SH3BP4: variants seen among roughly 807,000 people sequenced by gnomAD.
SH3BP4 encodes SH3 domain-binding protein 4.
In SH3BP4, 33 loss-of-function variants were observed where a neutral mutation model predicts 65.5. That is an observed-to-expected ratio of 0.50 (90% CI 0.38 to 0.67). SH3BP4 has a LOEUF of 0.67. SH3BP4 is among the 30% of genes least tolerant of loss of function. The pLI is 0.00. For missense variants in SH3BP4, 1,134 were observed against 1,261.4 expected (o/e 0.90, Z 1.53); for synonymous variants, 552 against 545.5 (o/e 1.01, Z -0.17).
At chr2:234,972,004 A>C (rs533591533) in intron 1 of SH3BP4, among the ~76,000 whole-genome samples, 1 of 151,188 alleles carries the variant, frequency 6.6e-6, no homozygotes. Context: ...TTTAGTAGAG[A>C]CGGGGTTTCA....
rs2106315591 is a variant in SH3BP4, at chr2:235,026,607, A to G, written c.-132-8264A>G. On this transcript the variant is annotated intron_variant, in intron 2 of 5. Transcript: ENST00000392011. The surrounding 1 kb of genome is among the most constrained non-coding windows in gnomAD (Gnocchi z 4.6). ...CAGAGCCTCGTTGCTAGAGCCTGGC[A>G]CTCCGTAGATGTTCACTAAGGTGAC... Among the ~76,000 whole-genome samples the G allele has an allele frequency of 6.6e-6, 1 of 152,090 alleles. No homozygotes were observed. Among genetic ancestry groups the G allele is most frequent in the East Asian group, 1.9e-4 (1 of 5,174 alleles).
In SH3BP4 at chr2:234,952,527, C is replaced by T. The variant is rs1273878697; in HGVS notation, c.-207+357C>T. Among the ~76,000 whole-genome samples the T allele has an allele frequency of 6.6e-6, 1 of 151,384 alleles. No homozygotes were observed. Among genetic ancestry groups the T allele is most frequent in the Non-Finnish European group, 1.5e-5 (1 of 67,766 alleles). On this transcript the variant is annotated intron_variant, in intron 1 of 5. Coordinates refer to ENST00000392011, the MANE Select transcript of SH3BP4 (RefSeq NM_014521.3). This position sits in a 1 kb window ranked among gnomAD's most constrained non-coding sequence, Gnocchi z 6.5. Reference sequence around the variant, plus strand: ...GGCGGGCGGCCCTGCGGGGTGGCCTCCCTGGGCAACCGGACGCGTCCTCGG... The same window carrying T: ...GGCGGGCGGCCCTGCGGGGTGGCCTTCCTGGGCAACCGGACGCGTCCTCGG...
chr2:235,039,172 C>T (rs565342357), intron 3 of SH3BP4, among the ~76,000 whole-genome samples: 7 of 152,238 alleles, frequency 4.6e-5, no homozygotes, highest in Middle Eastern at 3.4e-3. Context: ...CCCAGATAGA[C>T]GGGCCTGCTG....
At chr2:235,012,929 G>T (rs1357737053) in intron 2 of SH3BP4, among the ~76,000 whole-genome samples, 1 of 152,226 alleles carries the variant, frequency 6.6e-6, no homozygotes, top group African/African-American at 2.4e-5. Context: ...GAGCAGGGCT[G>T]GCCTTTCTGC....
At chr2:235,040,209 TG>T (rs1220537311) in intron 3 of SH3BP4, among the ~76,000 whole-genome samples, 1 of 152,110 alleles carries the variant, frequency 6.6e-6, no homozygotes, top group Non-Finnish European at 1.5e-5. Flanking sequence ...CATGCCAGCC[TG>T]GGTGGCGGAG....
intron 1 of SH3BP4, among the ~76,000 whole-genome samples, chr2:234,985,864 A>G (rs778326734): frequency 9.2e-5 from 14 of 151,934 alleles, no homozygotes; most frequent in South Asian, 2.1e-4. Context: ...ATACACGCCT[A>G]TGAGCTCAGG....
chr2:234,966,463 T>C (rs1413170847), intron 1 of SH3BP4, among the ~76,000 whole-genome samples: 1 of 152,238 alleles, frequency 6.6e-6, no homozygotes, highest in Admixed American at 6.5e-5. Context: ...TTATTTCACT[T>C]TCTTAATCCT....
At chr2:235,018,165 T>C (rs957963466) in intron 2 of SH3BP4, among the ~76,000 whole-genome samples, 2 of 152,046 alleles carry the variant, frequency 1.3e-5, no homozygotes, top group Non-Finnish European at 2.9e-5. Context: ...AGGAAGAAAG[T>C]TGGATGAGGT....
chr2:235,023,233 G>A (rs575654942), intron 2 of SH3BP4, among the ~76,000 whole-genome samples: 1 of 152,038 alleles, frequency 6.6e-6, no homozygotes, highest in African/African-American at 2.4e-5. Context: ...TGGAATCAAG[G>A]CCTCATATTT....
intron 1 of SH3BP4, among the ~76,000 whole-genome samples, chr2:234,993,289 C>T (rs1213294696): frequency 1.3e-5 from 2 of 152,194 alleles, no homozygotes; most frequent in African/African-American, 4.8e-5. Context: ...TCCTCACTGG[C>T]CCAGTAGTAA....
intron 1 of SH3BP4, among the ~76,000 whole-genome samples, chr2:234,988,200 T>C (rs971849060): frequency 7.2e-5 from 11 of 152,102 alleles, no homozygotes; most frequent in East Asian, 3.9e-4. Context: ...GCTGGGACTA[T>C]GGGCGCCCAC....
At chr2:235,017,181 T>C (rs1024564254) in intron 2 of SH3BP4, among the ~76,000 whole-genome samples, 1 of 151,448 alleles carries the variant, frequency 6.6e-6, no homozygotes, top group Non-Finnish European at 1.5e-5. Context: ...TAAAATCCTC[T>C]CCTGGCTGGG....
chr2:235,012,468 G>A (rs138006840), intron 2 of SH3BP4, among the ~76,000 whole-genome samples: 308 of 152,350 alleles, frequency 2.0e-3, no homozygotes, highest in African/African-American at 7.0e-3. Context: ...TTGGATCATT[G>A]TACATCCCAC....
At chr2:235,048,390 G>A (rs892704501) in intron 4 of SH3BP4, among the ~76,000 whole-genome samples, 4 of 152,150 alleles carry the variant, frequency 2.6e-5, no homozygotes, top group African/African-American at 9.7e-5. Context: ...GAGTGCAGTG[G>A]TGTGATCACA....
rs1211091824 is a variant in SH3BP4 at position 235,042,494 on chromosome 2, C to T, written c.1725C>T (p.Pro575=). 1.9e-6 allele frequency: 3 copies of T among 1,614,180 alleles called. No homozygotes were observed. Among genetic ancestry groups the T allele is most frequent in the Admixed American group, 1.7e-5 (1 of 60,030 alleles). ...KLGKVSRLIF[P]ITSQNPNELS... ...GCAAGGTGAGCCGCCTGATCTTCCC[C>T]ATCACCTCCCAGAACCCCAACGAGC... Residue 575 remains proline, a synonymous_variant, in exon 4 of 6, where the codon CCC becomes CCT. Coordinates refer to ENST00000392011, the MANE Select transcript of SH3BP4 (RefSeq NM_014521.3). This position sits in a 1 kb window ranked among gnomAD's most constrained non-coding sequence, Gnocchi z 7.3.
chr2:235,016,839 T>C (rs1179204273), intron 2 of SH3BP4, among the ~76,000 whole-genome samples: 1 of 152,144 alleles, frequency 6.6e-6, no homozygotes, highest in Admixed American at 6.5e-5. Context: ...TGTCTGTGCA[T>C]CCAACCATCC....
rs370878470 is a variant in SH3BP4 at position 235,042,836 on chromosome 2, G to A, written c.2067G>A (p.Glu689=). 2 of 1,613,856 alleles carry A rather than the reference G, an allele frequency of 1.2e-6. No homozygotes were observed. Among genetic ancestry groups the A allele is most frequent in the African/African-American group, 2.7e-5 (2 of 74,952 alleles). The part of the protein sequence containing the change: ...KGDGIALLSE[E]RVRLRGQLWT... The stretch of plus-strand genomic sequence containing the variant: ...ACGGGATCGCCCTGCTCAGCGAGGA[G>A]CGGGTCAGGCTCCGGGGCCAGCTGT... Residue 689 remains glutamate (E), a synonymous_variant, in exon 4 of 6, where the codon GAG becomes GAA. Coordinates refer to ENST00000392011, the MANE Select transcript of SH3BP4 (RefSeq NM_014521.3). This position sits in a 1 kb window ranked among gnomAD's most constrained non-coding sequence, Gnocchi z 7.3.
chr2:235,042,314 C>T lies in SH3BP4; in HGVS notation c.1545C>T (p.Asn515=). ...GCGAGGTCACACGCCAGGCACCCAACCCTGCCCCGGTGGCCCTGCAGCTGT... is the reference window on the plus strand; with the variant it reads ...GCGAGGTCACACGCCAGGCACCCAATCCTGCCCCGGTGGCCCTGCAGCTGT... ...LVSEVTRQAP[N]PAPVALQLWG... is the part of the protein sequence containing the mutation. The change falls in exon 4 of 6, where the codon AAC becomes AAT. Residue 515 remains asparagine (N), a synonymous_variant. Transcript: ENST00000392011. The surrounding 1 kb of genome is among the most constrained non-coding windows in gnomAD (Gnocchi z 7.3). 6.2e-7 allele frequency: 1 copy of T among 1,614,180 alleles called. No individual in the cohort carries two copies. Among genetic ancestry groups the T allele is most frequent in the Non-Finnish European group, 8.5e-7 (1 of 1,180,032 alleles).
At chr2:234,975,745 G>A (rs554234248) in intron 1 of SH3BP4, among the ~76,000 whole-genome samples, 5 of 152,208 alleles carry the variant, frequency 3.3e-5, no homozygotes, top group African/African-American at 1.2e-4. Flanking sequence ...GCATGGTGGT[G>A]CATGCCTGTA....
Sources: gnomAD v4.1 joint callset for allele counts (sites outside exome capture counted in the v4.1 genomes callset) on GRCh38, gnomAD v4.1.1 for gene constraint, Gnocchi (gnomAD v3.1) non-coding constraint, MANE v1.5 for transcripts, NCBI Gene and HGNC (gene_info 2026-07-23, HGNC 2026-07-21) for gene names.